The following RBPMS variants were observed in gnomAD, a reference collection of about 807,000 sequenced individuals.
RBPMS encodes the protein RNA binding protein, mRNA processing factor.
A neutral mutation model predicts 26.8 loss-of-function variants in RBPMS; 7 were observed. The observed-to-expected ratio is 0.26, with a 90% CI of 0.15 to 0.49. The LOEUF (loss-of-function observed/expected upper bound fraction) is 0.49, where lower values mean the gene tolerates loss of function less well. Among genes scored for constraint, RBPMS ranks in the 20% least tolerant of loss-of-function variants. The pLI is 0.98. For missense variants in RBPMS, 186 were observed against 250.0 expected (o/e 0.74, Z 1.73); for synonymous variants, 96 against 93.3 (o/e 1.03, Z -0.17).
At chr8:30,455,179 A>G (rs1478426952) in intron 1 of RBPMS, among the ~76,000 whole-genome samples, 2 of 152,192 alleles carry the variant, frequency 1.3e-5, no homozygotes, top group South Asian at 2.1e-4. Context: ...CTTATGATGG[A>G]TAAGTGAGAA....
At chr8:30,430,940 T>C (rs964312565) in intron 1 of RBPMS, among the ~76,000 whole-genome samples, 7 of 152,158 alleles carry the variant, frequency 4.6e-5, no homozygotes, top group African/African-American at 1.7e-4. Context: ...TTTGGTGAGG[T>C]TGATGAAAAG....
At chr8:30,422,577 A>G (rs1194760742) in intron 1 of RBPMS, among the ~76,000 whole-genome samples, 1 of 152,088 alleles carries the variant, frequency 6.6e-6, no homozygotes, top group Non-Finnish European at 1.5e-5. Context: ...GCCTGCTGTT[A>G]TTTTATATAG....
intron 8 of RBPMS, among the ~76,000 whole-genome samples, chr8:30,567,672 A>G (rs988593027): frequency 1.3e-5 from 2 of 152,254 alleles, no homozygotes; most frequent in Admixed American, 6.5e-5. Flanking sequence ...CAAAGTATCA[A>G]CAATGCAAGG....
chr8:30,408,833 A>G (rs1263262245), intron 1 of RBPMS, among the ~76,000 whole-genome samples: 1 of 152,188 alleles, frequency 6.6e-6, no homozygotes, highest in African/African-American at 2.4e-5. Context: ...AAAAATCCCA[A>G]ATTCATTAAC....
chr8:30,514,886 C>G (rs987968044), intron 5 of RBPMS, among the ~76,000 whole-genome samples: 2 of 151,972 alleles, frequency 1.3e-5, no homozygotes, highest in African/African-American at 4.8e-5. Flanking sequence ...ATCCACATAA[C>G]TCATTGAACC....
At chr8:30,388,067 G>A (rs566839029) in intron 1 of RBPMS, among the ~76,000 whole-genome samples, 9 of 152,118 alleles carry the variant, frequency 5.9e-5, no homozygotes, top group African/African-American at 1.9e-4. Context: ...TTAACTTTCC[G>A]ATTTTTAATG....
intron 4 of RBPMS, among the ~76,000 whole-genome samples, chr8:30,500,340 CTTT>C (rs36121330): frequency 2.0e-4 from 28 of 140,122 alleles, no homozygotes; most frequent in East Asian, 1.0e-3. Flanking sequence ...TGTTGAGTAT[CTTT>C]TTTTTTTTTT....
intron 5 of RBPMS, chr8:30,537,691 T>C (rs1824942398): frequency 2.2e-6 from 1 of 455,224 alleles, no homozygotes; most frequent in African/African-American, 2.0e-5. Context: ...GGGCTGGATA[T>C]TTAACCTCGC....
chr8:30,510,464 C>G (rs1182351428), intron 5 of RBPMS, among the ~76,000 whole-genome samples: 1 of 151,402 alleles, frequency 6.6e-6, no homozygotes, highest in African/African-American at 2.4e-5. Context: ...GTGCTTGGCT[C>G]TAAAACTCAT....
chr8:30,504,993 T>C (rs1820941210), intron 5 of RBPMS, among the ~76,000 whole-genome samples: 1 of 152,210 alleles, frequency 6.6e-6, no homozygotes, highest in Non-Finnish European at 1.5e-5. Context: ...ATTTGGGGCT[T>C]TCTTTTCCAA....
At chr8:30,449,804 T>C (rs1328381181) in intron 1 of RBPMS, among the ~76,000 whole-genome samples, 8 of 152,272 alleles carry the variant, frequency 5.3e-5, no homozygotes, top group African/African-American at 1.9e-4. Context: ...GTTTTCTGCT[T>C]CTCTGATAGC....
intron 4 of RBPMS, among the ~76,000 whole-genome samples, chr8:30,501,719 A>G (rs1277737411): frequency 6.6e-6 from 1 of 152,242 alleles, no homozygotes; most frequent in Non-Finnish European, 1.5e-5. Flanking sequence ...AATTATGAGC[A>G]AGAGAGGAAA....
chr8:30,520,317 G>C (rs933650062), intron 5 of RBPMS, among the ~76,000 whole-genome samples: 1 of 152,290 alleles, frequency 6.6e-6, no homozygotes, highest in Admixed American at 6.5e-5. Context: ...CTCCATTGGT[G>C]ATCACTGTTT....
chr8:30,420,092 G>A (rs935024910), intron 1 of RBPMS, among the ~76,000 whole-genome samples: 2 of 152,044 alleles, frequency 1.3e-5, no homozygotes, highest in African/African-American at 4.8e-5. Context: ...ACTGGACATG[G>A]TGATGTGTGC....
chr8:30,441,857 T>C (rs997805673), intron 1 of RBPMS, among the ~76,000 whole-genome samples: 2 of 152,254 alleles, frequency 1.3e-5, no homozygotes, highest in African/African-American at 4.8e-5. Context: ...TGGCACAGTC[T>C]CGGCTCACTG....
chr8:30,497,549 A>G (rs754953525), intron 4 of RBPMS, among the ~76,000 whole-genome samples: 1 of 152,082 alleles, frequency 6.6e-6, no homozygotes, highest in Non-Finnish European at 1.5e-5. Flanking sequence ...CTGTCTCAAA[A>G]ATGATAAACC....
intron 1 of RBPMS, among the ~76,000 whole-genome samples, chr8:30,451,316 C>A (rs1162773121): frequency 6.6e-6 from 1 of 152,156 alleles, no homozygotes; most frequent in African/African-American, 2.4e-5. Context: ...TAATAAACTT[C>A]ATGTGTAAAA....
At chr8:30,470,735 A>G (rs1000789743) in intron 1 of RBPMS, among the ~76,000 whole-genome samples, 4 of 152,222 alleles carry the variant, frequency 2.6e-5, no homozygotes, top group African/African-American at 7.2e-5. Flanking sequence ...TCCATGTTTA[A>G]ATAAAATGCC....
intron 1 of RBPMS, among the ~76,000 whole-genome samples, chr8:30,418,444 G>C (rs1810354347): frequency 6.6e-6 from 1 of 151,880 alleles, no homozygotes; most frequent in East Asian, 1.9e-4. Flanking sequence ...GTTGTGTTTT[G>C]TATTTTTCTT....
Sources: allele counts gnomAD v4.1 joint callset (sites outside exome capture counted in the v4.1 genomes callset), GRCh38; gene constraint gnomAD v4.1.1; transcripts MANE v1.5; gene names NCBI Gene and HGNC (gene_info 2026-07-23, HGNC 2026-07-21).